SPG11: variants seen among roughly 807,000 people sequenced by gnomAD.
SPG11 encodes SPG11 vesicle trafficking associated, spatacsin, also known as spatacsin.
A neutral mutation model predicts 274.0 loss-of-function variants in SPG11; 222 were observed. That is an observed-to-expected ratio of 0.81 (90% confidence interval 0.73 to 0.91). The LOEUF (loss-of-function observed/expected upper bound fraction) is 0.91, where lower values mean the gene tolerates loss of function less well. SPG11 is among the 40% of genes least tolerant of loss of function. SPG11 has a pLI of 0.00. For synonymous variants in SPG11, 1,144 were observed against 1,039.7 expected, an observed-to-expected ratio of 1.10 and a Z score of -1.93; for missense variants, 3,114 against 2,872.7, an observed-to-expected ratio of 1.08 and a Z score of -1.92.
chr15:44,573,639 A>G lies in SPG11; in HGVS notation c.6113T>C (p.Phe2038Ser), dbSNP rs2082472761. ...TGGCTTAAGGCCCTGTGTGCTGATG[A>G]AGGCCTGGGCTCGTTTGCATCGGTC... ...QPDRCKRAQAFISTQGLKPDT... is the reference protein window; with the variant it reads ...QPDRCKRAQASISTQGLKPDT... The change falls in exon 32 of 40, where the codon TTC (phenylalanine) becomes TCC (serine). Residue 2038 changes from phenylalanine (F) to serine (S), a missense_variant. Phe to Ser is a radical substitution (Grantham distance 155, BLOSUM62 -2). Transcript: ENST00000261866. The G allele has an allele frequency of 1.2e-6, 2 of 1,614,080 alleles. No homozygotes were observed. Among genetic ancestry groups the G allele is most frequent in the African/African-American group, 2.7e-5 (2 of 74,928 alleles).
intron 25 of SPG11, 79 bp downstream of exon 25, chr15:44,596,004 G>A: frequency 6.4e-7 from 1 of 1,573,542 alleles, no homozygotes; most frequent in Non-Finnish European, 8.7e-7. Flanking sequence ...CCCCACTTCT[G>A]ATTATCAGCC....
intron 15 of SPG11, among the ~76,000 whole-genome samples, chr15:44,617,454 T>C (rs1388978505): frequency 6.6e-6 from 1 of 152,216 alleles, no homozygotes; most frequent in African/African-American, 2.4e-5. Flanking sequence ...TATTCAGTTA[T>C]TCTAGCCCCA....
chr15:44,608,621 G>C lies in SPG11; in HGVS notation c.3292-16C>G. The C allele has an allele frequency of 6.2e-7, 1 of 1,612,714 alleles. No individual in the cohort carries two copies. Among genetic ancestry groups the C allele is most frequent in the Non-Finnish European group, 8.5e-7 (1 of 1,179,386 alleles). On this transcript the variant is annotated splice_polypyrimidine_tract_variant and intron_variant, in intron 18 of 39. Coordinates refer to ENST00000261866, the MANE Select transcript of SPG11 (RefSeq NM_025137.4). ...TCTGAACAACCTAAGTAAAAAAACA[G>C]ATAACAGGTTGGACAGTAGCATTTT...
chr15:44,565,056 T>G (rs1191410413), intron 38 of SPG11, among the ~76,000 whole-genome samples: 1 of 152,218 alleles, frequency 6.6e-6, no homozygotes, highest in African/African-American at 2.4e-5. Flanking sequence ...GTTTTTAATC[T>G]TCCTCACAAT....
intron 34 of SPG11, 150 bp from the exon 35 acceptor site, chr15:44,569,655 G>C: frequency 1.4e-6 from 1 of 695,374 alleles, no homozygotes; most frequent in Non-Finnish European, 2.6e-6. Flanking sequence ...TCCCTCCCAT[G>C]TACCCAACAG....
At chr15:44,584,707 G>A (rs1284102880) in intron 29 of SPG11, 149 bp from the exon 30 acceptor site, 2 of 955,396 alleles carry the variant, frequency 2.1e-6, no homozygotes, top group Non-Finnish European at 3.2e-6. Flanking sequence ...ACAGCACACT[G>A]CAGCCTCAAC....
intron 8 of SPG11, among the ~76,000 whole-genome samples, chr15:44,631,464 C>T (rs2084057424): frequency 6.6e-6 from 1 of 152,126 alleles, no homozygotes; most frequent in Admixed American, 6.5e-5. Context: ...TGTGGCAACA[C>T]TTAATTTCAT....
chr15:44,646,182 T>C (rs1270136915), intron 7 of SPG11, among the ~76,000 whole-genome samples: 1 of 152,144 alleles, frequency 6.6e-6, no homozygotes, highest in African/African-American at 2.4e-5. Flanking sequence ...CATGCACACA[T>C]ATATTCCTCA....
intron 7 of SPG11, among the ~76,000 whole-genome samples, chr15:44,644,014 A>G (rs912015387): frequency 4.6e-5 from 7 of 152,002 alleles, no homozygotes; most frequent in Admixed American, 1.3e-4. Context: ...ATACAAAAAA[A>G]AAATTAGCCG....
At chr15:44,608,888 T>C (rs1211497603) in intron 18 of SPG11, among the ~76,000 whole-genome samples, 3 of 152,142 alleles carry the variant, frequency 2.0e-5, no homozygotes, top group Non-Finnish European at 2.9e-5. Context: ...TGTAAAGAAA[T>C]TGTTTGAAAA....
chr15:44,564,708 A>C lies in SPG11; in HGVS notation c.7000-10T>G, dbSNP rs1419777882. 9.9e-6 allele frequency: 16 copies of C among 1,614,146 alleles called. No homozygotes were observed. The highest frequency in any genetic ancestry group is 1.4e-5 in the Non-Finnish European group (16 of 1,180,006). ...CAGCCACAATAGAAGCCTTAAAAGG[A>C]GAGGTGAAGAAGGACACCATCAGAG... On this transcript the variant is annotated splice_polypyrimidine_tract_variant and intron_variant, in intron 38 of 39. Transcript: ENST00000261866.
At chr15:44,661,462 C>A (rs1288923916) in intron 1 of SPG11, among the ~76,000 whole-genome samples, 1 of 151,908 alleles carries the variant, frequency 6.6e-6, no homozygotes, top group Non-Finnish European at 1.5e-5. Context: ...TTTTATACTT[C>A]TAGAGTAGTA....
rs748331814 is a variant in SPG11, at chr15:44,620,391, T to C, written c.2633A>G (p.Tyr878Cys). ...GTATCTCCAGAGGGCTTCAGGGGAATATGATTTGTATTCTACATGAAAAAA... is the reference window on the plus strand; with the variant it reads ...GTATCTCCAGAGGGCTTCAGGGGAACATGATTTGTATTCTACATGAAAAAA... ...PRISPEEYKS[Y>C]SPEALWRYLT... is the part of the protein sequence containing the mutation. The change falls in exon 15 of 40, where the codon TAT becomes TGT. Residue 878 changes from tyrosine to cysteine, a missense_variant. Transcript: ENST00000261866. 3 of 1,612,264 alleles carry C rather than the reference T, an allele frequency of 1.9e-6. No individual in the cohort carries two copies. The highest frequency in any genetic ancestry group is 1.1e-5 in the South Asian group (1 of 90,960).
Position 44,583,956 on chromosome 15 carries a change from G to A in SPG11, c.5724C>T (p.Val1908=), listed in dbSNP as rs369869911. The change falls in exon 30 of 40, where the codon GTC becomes GTT. Residue 1908 remains valine (V), a synonymous_variant. Coordinates refer to ENST00000261866, the MANE Select transcript of SPG11 (RefSeq NM_025137.4). Reference sequence around the variant, plus strand: ...GTGCTCTGCAGTGCAATACCAAGGCGACATCTGGATTATAAAAATGAAAAT... The same window carrying A: ...GTGCTCTGCAGTGCAATACCAAGGCAACATCTGGATTATAAAAATGAAAAT... The part of the protein sequence containing the change: ...CRYFHFYNPD[V]ALVLHCRALA... 2.0e-5 allele frequency: 33 copies of A among 1,614,038 alleles called. No individual in the cohort carries two copies. The highest frequency in any genetic ancestry group is 3.3e-5 in the South Asian group (3 of 91,082).
intron 28 of SPG11, among the ~76,000 whole-genome samples, chr15:44,586,384 G>A (rs2082765968): frequency 6.6e-6 from 1 of 152,026 alleles, no homozygotes. Flanking sequence ...AGTGGCTCAC[G>A]CCTGTAATCC....
chr15:44,620,221 T>C lies in SPG11; in HGVS notation c.2803A>G (p.Met935Val). Reference protein sequence around the residue: ...INQNTSCNNYMRNEILDKLAR... With the variant: ...INQNTSCNNYVRNEILDKLAR... ...AGCTTATCTAAAATTTCATTCCTCA[T>C]GTAGTTGTTACAGGAAGTATTCTGG... The change falls in exon 15 of 40, where the codon ATG becomes GTG. Residue 935 changes from methionine to valine, a missense_variant. Met to Val is a conservative substitution (Grantham distance 21). Coordinates refer to ENST00000261866, the MANE Select transcript of SPG11 (RefSeq NM_025137.4). 2 of 1,614,082 alleles carry C rather than the reference T, an allele frequency of 1.2e-6. No individual in the cohort carries two copies. Among genetic ancestry groups the C allele is most frequent in the South Asian group, 1.1e-5 (1 of 91,080 alleles).
intron 17 of SPG11, 106 bp from the exon 18 acceptor site, chr15:44,611,091 TAA>T (rs35831490): frequency 0.02 from 1,396 of 69,752 alleles, 10 homozygotes; most frequent in African/African-American, 0.027. Flanking sequence ...CTATCCCCAG[TAA>T]AAAAAAAAAA....
chr15:44,663,342 G>C (rs772699747), intron 1 of SPG11, 49 bp downstream of exon 1: 1 of 1,582,126 alleles, frequency 6.3e-7, no homozygotes, highest in South Asian at 1.2e-5. Flanking sequence ...AGTCAGCCGA[G>C]CCTAGGCTCT....
chr15:44,610,673 G>A (rs945455958), intron 18 of SPG11, among the ~76,000 whole-genome samples, 167 bp downstream of exon 18: 3 of 152,110 alleles, frequency 2.0e-5, no homozygotes, highest in Non-Finnish European at 2.9e-5. Flanking sequence ...CCACTGCACC[G>A]GGCCGAGATA....
Sources: gnomAD v4.1 joint callset for allele counts (sites outside exome capture counted in the v4.1 genomes callset) on GRCh38, gnomAD v4.1.1 for gene constraint, MANE v1.5 for transcripts, NCBI Gene and HGNC (gene_info 2026-07-23, HGNC 2026-07-21) for gene names.